The following ECHDC3 variants were observed in gnomAD, a reference collection of about 807,000 sequenced individuals.
ECHDC3 encodes enoyl-CoA hydratase domain containing 3, also known as enoyl-CoA hydratase domain-containing protein 3, mitochondrial.
In ECHDC3, 20 loss-of-function variants were observed where a neutral mutation model predicts 17.9. The observed-to-expected ratio is 1.12, with a 90% CI of 0.79 to 1.63. The LOEUF (loss-of-function observed/expected upper bound fraction) is 1.63. Among genes scored for constraint, ECHDC3 ranks in the 40% most tolerant of loss-of-function variants. The pLI is 0.00. For synonymous variants in ECHDC3, 177 were observed against 149.7 expected (o/e 1.18, Z -1.33); for missense variants, 407 against 357.7 (o/e 1.14, Z -1.11).
chr10:11,753,321 T>G (rs539036434), intron 3 of ECHDC3, among the ~76,000 whole-genome samples: 1 of 152,272 alleles, frequency 6.6e-6, no homozygotes, highest in South Asian at 2.1e-4. Flanking sequence ...AGGCGGAGGT[T>G]GCAGTGAGCC....
Position 11,763,935 on chromosome 10 carries a change from C to T in ECHDC3, c.*391C>T, listed in dbSNP as rs1191051306. 3 of 1,002,936 alleles carry T rather than the reference C, an allele frequency of 3.0e-6. No individual in the cohort carries two copies. The highest frequency in any genetic ancestry group is 1.2e-4 in the Admixed American group (2 of 17,342). 62.1% of individuals were successfully genotyped at this position (1,002,936 alleles called of 1,614,324 possible). A position where few individuals can be genotyped will look rare whatever the true frequency, so the allele number is the denominator to read the frequency against. On this transcript the variant is annotated 3_prime_UTR_variant, in exon 5 of 5. Coordinates refer to ENST00000379215, the MANE Select transcript of ECHDC3 (RefSeq NM_024693.5). The surrounding 1 kb of genome is among the most constrained non-coding windows in gnomAD (Gnocchi z 4.9). ...CTAAGCAGAGTTAATCCTGGCTGCT[C>T]AGGAGAGGCGACACATTTCAAATCT...
chr10:11,760,106 A>G (rs960859857), intron 4 of ECHDC3, among the ~76,000 whole-genome samples: 4 of 152,214 alleles, frequency 2.6e-5, no homozygotes, highest in Non-Finnish European at 5.9e-5. Context: ...GCTCAGATGG[A>G]CAATTTTTCC....
At chr10:11,756,472 G>A (rs1458804504) in intron 4 of ECHDC3, among the ~76,000 whole-genome samples, 1 of 152,212 alleles carries the variant, frequency 6.6e-6, no homozygotes, top group Non-Finnish European at 1.5e-5. Flanking sequence ...ACATGCCTAA[G>A]ACGCAAAAGA....
chr10:11,746,859 G>T (rs1998636), intron 1 of ECHDC3, among the ~76,000 whole-genome samples: 4 of 152,056 alleles, frequency 2.6e-5, no homozygotes, highest in East Asian at 1.9e-4. Flanking sequence ...TGCTTGAACC[G>T]GGGAGGTGGA....
chr10:11,754,325 G>A (rs193293843), intron 3 of ECHDC3, among the ~76,000 whole-genome samples: 205 of 89,926 alleles, frequency 2.3e-3, no homozygotes, highest in African/African-American at 7.1e-3. Context: ...CCCTGCCAAG[G>A]TTCAAAGAGC....
At chr10:11,754,497 G>T (rs1006854507) in intron 3 of ECHDC3, among the ~76,000 whole-genome samples, 5 of 152,124 alleles carry the variant, frequency 3.3e-5, no homozygotes, top group African/African-American at 1.2e-4. Flanking sequence ...TAGGAATTTT[G>T]TTTACTTTGA....
At chr10:11,749,173 C>A (rs1873734) in intron 2 of ECHDC3, among the ~76,000 whole-genome samples, 1 of 152,116 alleles carries the variant, frequency 6.6e-6, no homozygotes, top group African/African-American at 2.4e-5. Flanking sequence ...GAGCGAGTCC[C>A]CAAATAAAGG....
intron 3 of ECHDC3, among the ~76,000 whole-genome samples, chr10:11,750,756 T>C (rs188149825): frequency 6.6e-6 from 1 of 152,318 alleles, no homozygotes; most frequent in Non-Finnish European, 1.5e-5. Context: ...GCCTCTAAGA[T>C]AGTTTAACCT....
At position 11,763,173 on chromosome 10, in the gene ECHDC3, G is replaced by A. The variant is rs374225081; in HGVS notation, c.592-51G>A. 29 of 693,054 alleles carry A rather than the reference G, an allele frequency of 4.2e-5. No homozygotes were observed. The highest frequency in any genetic ancestry group is 4.8e-4 in the Middle Eastern group (2 of 4,160). The allele number at this position is 693,054 out of a possible 1,614,324, so 42.9% of individuals were successfully genotyped here. ...TGAGCCGAGGCGGGACTCAGGTGGCGGGGGCGGGTCACAGGAGAGCACCTC... is the reference window on the plus strand; with the variant it reads ...TGAGCCGAGGCGGGACTCAGGTGGCAGGGGCGGGTCACAGGAGAGCACCTC... On this transcript the variant is annotated intron_variant, in intron 4 of 4. Transcript: ENST00000379215. This position sits in a 1 kb window ranked among gnomAD's most constrained non-coding sequence, Gnocchi z 4.9.
intron 2 of ECHDC3, 60 bp downstream of exon 2, chr10:11,747,530 T>G: frequency 6.3e-7 from 1 of 1,578,542 alleles, no homozygotes; most frequent in East Asian, 2.3e-5. Context: ...TTCTGAGTCT[T>G]TAGTAAACTG....
chr10:11,764,020 A>G lies in ECHDC3; in HGVS notation c.*476A>G, dbSNP rs1041883544. ...ATTCTATAGAGACTTAATCATGCCT[A>G]TGGCTTTGAATAATCTTATGTGATT... On this transcript the variant is annotated 3_prime_UTR_variant, in exon 5 of 5. Transcript: ENST00000379215. 2 of 876,684 alleles carry G rather than the reference A, an allele frequency of 2.3e-6. No individual in the cohort carries two copies. The highest frequency in any genetic ancestry group is 2.7e-6 in the Non-Finnish European group (2 of 730,662). 54.3% of individuals were successfully genotyped at this position (876,684 alleles called of 1,614,324 possible). A position where few individuals can be genotyped will look rare whatever the true frequency, so the allele number is the denominator to read the frequency against.
rs1832705559 is a variant in ECHDC3, at chr10:11,742,540, C to T, written c.-37C>T. On this transcript the variant is annotated 5_prime_UTR_variant, in exon 1 of 5. Coordinates refer to ENST00000379215, the MANE Select transcript of ECHDC3 (RefSeq NM_024693.5). ...CGCCCAGCACCTGCGGCCGGCCAGG[C>T]AGCGCGATCCTGCGGCGTCTGGCCA... 1.6e-6 allele frequency: 2 copies of T among 1,254,944 alleles called. No individual in the cohort carries two copies. Among genetic ancestry groups the T allele is most frequent in the African/African-American group, 1.6e-5 (1 of 63,986 alleles). The allele number at this position is 1,254,944 out of a possible 1,614,324, so 77.7% of individuals were successfully genotyped here.
chr10:11,747,653 A>G (rs1158461936), intron 2 of ECHDC3, among the ~76,000 whole-genome samples, 183 bp downstream of exon 2: 2 of 152,234 alleles, frequency 1.3e-5, no homozygotes, highest in Non-Finnish European at 2.9e-5. Flanking sequence ...TAACTGCAGA[A>G]TTTATAACAA....
rs1235829929 is a variant in ECHDC3 at position 11,742,403 on chromosome 10, C to T, written c.-174C>T. The T allele has an allele frequency of 1.6e-5, 7 of 447,588 alleles. No individual in the cohort carries two copies. Among genetic ancestry groups the T allele is most frequent in the South Asian group, 1.3e-4 (1 of 7,946 alleles). 27.7% of individuals were successfully genotyped at this position (447,588 alleles called of 1,614,324 possible). A position where few individuals can be genotyped will look rare whatever the true frequency, so the allele number is the denominator to read the frequency against. ...GGGCGTAGTACGGACTGGGCCTGGC[C>T]TGGGGCGTCCCCGCGAAGCCTGGGC... On this transcript the variant is annotated 5_prime_UTR_variant, in exon 1 of 5. Coordinates refer to ENST00000379215, the MANE Select transcript of ECHDC3 (RefSeq NM_024693.5).
At chr10:11,757,677 T>A (rs929705018) in intron 4 of ECHDC3, among the ~76,000 whole-genome samples, 2 of 152,166 alleles carry the variant, frequency 1.3e-5, no homozygotes, top group Admixed American at 1.3e-4. Context: ...ACGCTGGGCT[T>A]ATTAATGCTG....
chr10:11,756,234 G>T (rs1588464925), intron 4 of ECHDC3, among the ~76,000 whole-genome samples: 1 of 152,146 alleles, frequency 6.6e-6, no homozygotes, highest in Non-Finnish European at 1.5e-5. Context: ...GTCTGTTTCC[G>T]CCACAAAGCT....
intron 2 of ECHDC3, among the ~76,000 whole-genome samples, chr10:11,747,852 C>T (rs955364572): frequency 2.6e-5 from 4 of 152,274 alleles, no homozygotes; most frequent in East Asian, 3.9e-4. Flanking sequence ...ACCAAGCTTT[C>T]GAACTGATAT....
chr10:11,743,167 C>T (rs933082833), intron 1 of ECHDC3, among the ~76,000 whole-genome samples: 1 of 152,150 alleles, frequency 6.6e-6, no homozygotes, highest in Non-Finnish European at 1.5e-5. Flanking sequence ...GGCTACGGGC[C>T]CAAAACTCTT....
chr10:11,764,040 G>A lies in ECHDC3; in HGVS notation c.*496G>A, dbSNP rs186813355. The A allele has an allele frequency of 2.5e-4, 197 of 802,788 alleles. No individual in the cohort carries two copies. In the African/African-American group the frequency reaches 3.6e-3, roughly 15 times the overall value. The allele number at this position is 802,788 out of a possible 1,614,324, so 49.7% of individuals were successfully genotyped here. A position where few individuals can be genotyped will look rare whatever the true frequency, so the allele number is the denominator to read the frequency against. On this transcript the variant is annotated 3_prime_UTR_variant, in exon 5 of 5. Transcript: ENST00000379215. ...TGCCTATGGCTTTGAATAATCTTAT[G>A]TGATTTAAATAAATTAAATCTTTAT...
Sources: gnomAD v4.1 joint callset for allele counts (sites outside exome capture counted in the v4.1 genomes callset) on GRCh38, gnomAD v4.1.1 for gene constraint, Gnocchi (gnomAD v3.1) non-coding constraint, MANE v1.5 for transcripts, NCBI Gene and HGNC (gene_info 2026-07-23, HGNC 2026-07-21) for gene names.